Variants in LRBA observed in about 807,000 individuals in gnomAD.
LRBA encodes LPS responsive beige-like anchor protein.
Under a neutral mutation model 330.0 loss-of-function variants are expected in LRBA, and 176 were observed. The observed-to-expected ratio is 0.53, with a 90% CI of 0.47 to 0.60. The LOEUF is 0.60. Among genes scored for constraint, LRBA ranks in the 20% least tolerant of loss-of-function variants. LRBA has a pLI of 0.00. For synonymous variants in LRBA, 1,230 were observed against 1,193.0 expected (o/e 1.03, Z -0.64); for missense variants, 3,259 against 3,444.8 (o/e 0.95, Z 1.35).
At chr4:150,696,688 G>A (rs967548896) in intron 36 of LRBA, among the ~76,000 whole-genome samples, 2 of 152,068 alleles carry the variant, frequency 1.3e-5, no homozygotes, top group Non-Finnish European at 2.9e-5. Context: ...TGTTTGGAAA[G>A]AGAGAAAAAG....
At position 150,400,028 on chromosome 4, in the gene LRBA, G is replaced by T. The variant is rs536991276; in HGVS notation, c.7194+15410C>A. 5.9e-5 allele frequency among the ~76,000 whole-genome samples: 9 copies of T among 152,210 alleles called. No homozygotes were observed. The South Asian group carries it at 1.2e-3, about 21-fold the overall frequency. On this transcript the variant is annotated intron_variant, in intron 47 of 56. Coordinates refer to ENST00000651943, the MANE Select transcript of LRBA (RefSeq NM_001364905.1). ...AGGCTTCCCAAGGGGGAGGAATCTG[G>T]CATTTTTGTAGGCAAAGGAAACAGC... is the stretch of plus-strand genomic sequence containing the variant.
intron 40 of LRBA, among the ~76,000 whole-genome samples, chr4:150,562,034 C>T (rs1442523496): frequency 2.6e-5 from 4 of 152,090 alleles, no homozygotes; most frequent in Non-Finnish European, 5.9e-5. Context: ...CTCTCTCTAC[C>T]CTCAGCACCA....
At chr4:150,345,499 T>C (rs1561044304) in intron 48 of LRBA, among the ~76,000 whole-genome samples, 1 of 152,182 alleles carries the variant, frequency 6.6e-6, no homozygotes, top group Non-Finnish European at 1.5e-5. Context: ...CCCAGGGATT[T>C]AACTGTGAGC....
chr4:150,963,388 T>C (rs1738402383), intron 2 of LRBA, among the ~76,000 whole-genome samples: 1 of 149,610 alleles, frequency 6.7e-6, no homozygotes. Flanking sequence ...GGTTTCGCCC[T>C]GTTGGCCGGG....
At chr4:150,611,724 T>C (rs1188377931) in intron 37 of LRBA, among the ~76,000 whole-genome samples, 1 of 152,040 alleles carries the variant, frequency 6.6e-6, no homozygotes, top group African/African-American at 2.4e-5. Flanking sequence ...TACTGTGTAG[T>C]GCAGGGTCAG....
At chr4:150,499,775 T>C (rs1194495044) in intron 40 of LRBA, among the ~76,000 whole-genome samples, 1 of 152,148 alleles carries the variant, frequency 6.6e-6, no homozygotes, top group Non-Finnish European at 1.5e-5. Context: ...TATTTCACAA[T>C]AAGTACTTTA....
chr4:150,685,687 G>A (rs1045188424), intron 36 of LRBA, among the ~76,000 whole-genome samples: 15 of 151,104 alleles, frequency 9.9e-5, no homozygotes, highest in South Asian at 8.4e-4. Flanking sequence ...CACCTGCCTC[G>A]GCCTCCAAAA....
At chr4:150,564,527 T>C (rs1428788722) in intron 40 of LRBA, among the ~76,000 whole-genome samples, 2 of 151,952 alleles carry the variant, frequency 1.3e-5, no homozygotes, top group Non-Finnish European at 2.9e-5. Flanking sequence ...AAAGCCAAAA[T>C]AGACAAATGG....
Position 150,560,922 on chromosome 4 carries a change from T to C in LRBA, c.6330+27126A>G, listed in dbSNP as rs140685399. ...AATCACTTGAACCCAGAAGTGGAGG[T>C]TGCGGTGAGCCAAGATCACACCATT... On this transcript the variant is annotated intron_variant, in intron 40 of 56. Coordinates refer to ENST00000651943, the MANE Select transcript of LRBA (RefSeq NM_001364905.1). Among the ~76,000 whole-genome samples the C allele has an allele frequency of 4.2e-3, 642 of 151,934 alleles. 3 individuals carry two copies. Among genetic ancestry groups the C allele is most frequent in the African/African-American group, 0.015 (621 of 41,424 alleles).
chr4:150,677,707 A>C (rs1479428765), intron 37 of LRBA, among the ~76,000 whole-genome samples: 1 of 151,940 alleles, frequency 6.6e-6, no homozygotes, highest in Non-Finnish European at 1.5e-5. Context: ...GAGAGGCTGA[A>C]GTGGGAGGAT....
At chr4:150,854,827 G>A (rs1028090657) in intron 22 of LRBA, among the ~76,000 whole-genome samples, 1 of 152,140 alleles carries the variant, frequency 6.6e-6, no homozygotes. Context: ...GAGAACTAAA[G>A]AAAATGAGGT....
In LRBA at chr4:150,333,047, C is replaced by T. The variant is rs912348733; in HGVS notation, c.7363-7149G>A. 1.3e-4 allele frequency among the ~76,000 whole-genome samples: 20 copies of T among 151,914 alleles called. No individual in the cohort carries two copies. In the East Asian group the frequency reaches 3.7e-3, roughly 28 times the overall value. On this transcript the variant is annotated intron_variant, in intron 48 of 56. Coordinates refer to ENST00000651943, the MANE Select transcript of LRBA (RefSeq NM_001364905.1). ...AGAGAATATACATACACATACTAGA[C>T]AGAATGAAAGGAAGAAAGAAATAAG...
intron 41 of LRBA, among the ~76,000 whole-genome samples, chr4:150,489,230 TTA>T (rs1170027450): frequency 0.04 from 2,362 of 59,212 alleles, 165 homozygotes; most frequent in African/African-American, 0.16. Flanking sequence ...ATATAATATA[TTA>T]TATATACGAA....
chr4:150,810,155 T>C (rs1436126334), intron 31 of LRBA, among the ~76,000 whole-genome samples: 1 of 152,178 alleles, frequency 6.6e-6, no homozygotes, highest in African/African-American at 2.4e-5. Context: ...GCTTGGTTTT[T>C]AGGCAGTACT....
intron 33 of LRBA, among the ~76,000 whole-genome samples, chr4:150,804,615 T>A (rs1343155640): frequency 6.6e-6 from 1 of 152,150 alleles, no homozygotes; most frequent in African/African-American, 2.4e-5. Context: ...TGCCAGTTGA[T>A]ACTTAAAGAC....
At chr4:150,620,855 C>T (rs890864459) in intron 37 of LRBA, among the ~76,000 whole-genome samples, 1 of 152,046 alleles carries the variant, frequency 6.6e-6, no homozygotes, top group African/African-American at 2.4e-5. Flanking sequence ...ATATTGGGTA[C>T]AATGTACACT....
At chr4:150,529,455 CATCTGTA>C (rs1166144388) in intron 40 of LRBA, among the ~76,000 whole-genome samples, 3 of 152,150 alleles carry the variant, frequency 2.0e-5, no homozygotes, top group African/African-American at 7.2e-5. Flanking sequence ...TGGTGGCTCA[CATCTGTA>C]ATCCCATCAC....
intron 36 of LRBA, among the ~76,000 whole-genome samples, chr4:150,712,929 T>A (rs967749309): frequency 6.6e-6 from 1 of 152,004 alleles, no homozygotes; most frequent in Non-Finnish European, 1.5e-5. Context: ...AACCAGTTTT[T>A]TGGTTTTTTG....
intron 40 of LRBA, among the ~76,000 whole-genome samples, chr4:150,570,352 C>T (rs1769686646): frequency 1.3e-5 from 2 of 152,024 alleles, no homozygotes; most frequent in African/African-American, 2.4e-5. Context: ...TCATAATCGA[C>T]AGTTACATGC....
Sources: gnomAD v4.1 joint callset for allele counts (sites outside exome capture counted in the v4.1 genomes callset) on GRCh38, gnomAD v4.1.1 for gene constraint, MANE v1.5 for transcripts, NCBI Gene and HGNC (gene_info 2026-07-23, HGNC 2026-07-21) for gene names.